The following SPAG16 variants were observed in gnomAD, a reference collection of about 807,000 sequenced individuals.
The protein encoded by SPAG16 is sperm-associated antigen 16 protein.
SPAG16 carries 86 observed loss-of-function variants against 80.4 expected under a neutral mutation model. That is an observed-to-expected ratio of 1.07 (90% CI 0.90 to 1.28). The LOEUF is 1.28. Ranked by LOEUF, SPAG16 falls within the 50% of genes most tolerant of loss-of-function variation. The pLI is 0.00. For missense variants in SPAG16, 870 were observed against 765.3 expected (o/e 1.14, Z -1.61); for synonymous variants, 294 against 265.9 (o/e 1.11, Z -1.03).
intron 12 of SPAG16, among the ~76,000 whole-genome samples, chr2:213,985,927 CTA>C (rs1204642189): frequency 6.6e-6 from 1 of 151,988 alleles, no homozygotes; most frequent in Non-Finnish European, 1.5e-5. Flanking sequence ...TTGCTATATT[CTA>C]TGTCATGGAT....
intron 15 of SPAG16, among the ~76,000 whole-genome samples, chr2:214,366,629 T>A (rs1699499641): frequency 6.6e-6 from 1 of 152,162 alleles, no homozygotes; most frequent in Non-Finnish European, 1.5e-5. Context: ...GTGCATTATA[T>A]CATTTATGCA....
chr2:213,925,851 A>G (rs2078447474), intron 11 of SPAG16, among the ~76,000 whole-genome samples: 1 of 152,184 alleles, frequency 6.6e-6, no homozygotes, highest in Admixed American at 6.5e-5. Flanking sequence ...ACACATATTT[A>G]TCACTATATA....
chr2:213,628,412 G>C (rs1195768159), intron 10 of SPAG16, among the ~76,000 whole-genome samples: 1 of 152,166 alleles, frequency 6.6e-6, no homozygotes, highest in East Asian at 1.9e-4. Flanking sequence ...TTTTTATGTA[G>C]AGGGAATTTA....
intron 9 of SPAG16, among the ~76,000 whole-genome samples, chr2:213,433,664 A>G (rs2070436476): frequency 6.6e-6 from 1 of 152,170 alleles, no homozygotes; most frequent in Admixed American, 6.5e-5. Flanking sequence ...TATTAAAATG[A>G]CCATATACCC....
intron 11 of SPAG16, among the ~76,000 whole-genome samples, chr2:213,896,382 G>C (rs1176157377): frequency 6.6e-6 from 1 of 151,766 alleles, no homozygotes; most frequent in Non-Finnish European, 1.5e-5. Flanking sequence ...ATGGAGAACA[G>C]CATGGAGATA....
chr2:213,992,008 T>A (rs970738678), intron 12 of SPAG16, among the ~76,000 whole-genome samples: 1 of 152,072 alleles, frequency 6.6e-6, no homozygotes, highest in Admixed American at 6.6e-5. Context: ...TTGTGTCACA[T>A]CGGACTTCAA....
At chr2:213,869,280 T>TATAG (rs869276304) in intron 11 of SPAG16, among the ~76,000 whole-genome samples, 1 of 112,478 alleles carries the variant, frequency 8.9e-6, no homozygotes. Context: ...TATATATATA[T>TATAG]GTATATATAT....
At chr2:214,223,876 C>T (rs1172739417) in intron 15 of SPAG16, among the ~76,000 whole-genome samples, 1 of 152,078 alleles carries the variant, frequency 6.6e-6, no homozygotes, top group East Asian at 1.9e-4. Context: ...GGGCATGTTT[C>T]AGTTATGAGG....
Position 213,876,604 on chromosome 2 carries a change from C to T in SPAG16, c.1214+13976C>T, listed in dbSNP as rs566698219. ...CAAAAGCATTATAAGTATTCTACGA[C>T]GTAAGTCTGGAAAAGAGAAATTAAT... On this transcript the variant is annotated intron_variant, in intron 11 of 15. Coordinates refer to ENST00000331683, the MANE Select transcript of SPAG16 (RefSeq NM_024532.5). Among the ~76,000 whole-genome samples, 92 of 152,226 alleles carry T rather than the reference C, an allele frequency of 6.0e-4. 1 individual carries two copies. Among genetic ancestry groups the T allele is most frequent in the African/African-American group, 2.1e-3 (88 of 41,560 alleles).
At position 214,112,144 on chromosome 2, in the gene SPAG16, G is replaced by A. The variant is rs192540321; in HGVS notation, c.1593+3883G>A. Among the ~76,000 whole-genome samples, 312 of 152,226 alleles carry A rather than the reference G, an allele frequency of 2.0e-3. 1 individual carries two copies. Among genetic ancestry groups the A allele is most frequent in the African/African-American group, 7.2e-3 (297 of 41,536 alleles). On this transcript the variant is annotated intron_variant, in intron 14 of 15. Coordinates refer to ENST00000331683, the MANE Select transcript of SPAG16 (RefSeq NM_024532.5). ...TTTTGAGTGAGTTTCTTAATCCTGA[G>A]TTCTAGTTTGATTGCACTGTGGTCT...
chr2:213,743,043 A>G (rs1219083377), intron 10 of SPAG16, among the ~76,000 whole-genome samples: 1 of 151,948 alleles, frequency 6.6e-6, no homozygotes, highest in Non-Finnish European at 1.5e-5. Context: ...AGCTGGGACT[A>G]CAGGCGCCCG....
At chr2:214,145,139 C>A (rs902724140) in intron 14 of SPAG16, among the ~76,000 whole-genome samples, 10 of 151,760 alleles carry the variant, frequency 6.6e-5, no homozygotes, top group Non-Finnish European at 1.3e-4. Context: ...TTATTAATGA[C>A]CTCATTAACA....
At chr2:213,447,524 G>T (rs971083604) in intron 9 of SPAG16, among the ~76,000 whole-genome samples, 1 of 152,134 alleles carries the variant, frequency 6.6e-6, no homozygotes, top group African/African-American at 2.4e-5. Context: ...TTGGCATTAT[G>T]ATAATTCTTC....
At chr2:213,507,061 G>A (rs2074996832) in intron 10 of SPAG16, among the ~76,000 whole-genome samples, 1 of 152,158 alleles carries the variant, frequency 6.6e-6, no homozygotes, top group Admixed American at 6.5e-5. Context: ...CAAATTAAGT[G>A]CTACCCCAGA....
At chr2:213,878,043 C>T (rs1339387394) in intron 11 of SPAG16, among the ~76,000 whole-genome samples, 1 of 152,152 alleles carries the variant, frequency 6.6e-6, no homozygotes, top group Non-Finnish European at 1.5e-5. Flanking sequence ...TTGTCTTTGC[C>T]ATAGTAGCTG....
intron 11 of SPAG16, among the ~76,000 whole-genome samples, chr2:213,929,066 T>C (rs1291743952): frequency 4.2e-5 from 6 of 141,846 alleles, no homozygotes; most frequent in Admixed American, 3.7e-4. Context: ...CAGGCTGCAG[T>C]GCAGTGGTGC....
At chr2:213,869,481 CAT>C (rs2075863901) in intron 11 of SPAG16, among the ~76,000 whole-genome samples, 2 of 151,310 alleles carry the variant, frequency 1.3e-5, no homozygotes, top group African/African-American at 2.4e-5. Flanking sequence ...ATCTGGAAAA[CAT>C]AGTAGACTTT....
intron 9 of SPAG16, among the ~76,000 whole-genome samples, chr2:213,479,830 G>A (rs1453158442): frequency 1.3e-5 from 2 of 152,136 alleles, no homozygotes; most frequent in Admixed American, 6.6e-5. Context: ...TATATCAAAA[G>A]GGGGTAACAT....
intron 10 of SPAG16, among the ~76,000 whole-genome samples, chr2:213,861,937 A>G (rs529627423): frequency 6.6e-6 from 1 of 152,200 alleles, no homozygotes; most frequent in Non-Finnish European, 1.5e-5. Flanking sequence ...GTGGTAATGT[A>G]GGATAGAATT....
Sources: allele counts gnomAD v4.1 joint callset (sites outside exome capture counted in the v4.1 genomes callset), GRCh38; gene constraint gnomAD v4.1.1; transcripts MANE v1.5; gene names NCBI Gene and HGNC (gene_info 2026-07-23, HGNC 2026-07-21).